Variants in DNAH14 observed in about 807,000 individuals in gnomAD.
DNAH14 encodes dynein axonemal heavy chain 14, also known as axonemal beta dynein heavy chain 14.
A neutral mutation model predicts 520.9 loss-of-function variants in DNAH14; 478 were observed. That is an observed-to-expected ratio of 0.92 (90% CI 0.85 to 0.99). The LOEUF (loss-of-function observed/expected upper bound fraction) is 0.99. Ranked by LOEUF, DNAH14 falls within the 50% of genes least tolerant of loss-of-function variation. The pLI, the probability that DNAH14 is intolerant of heterozygous loss-of-function variation, is 0.00. For synonymous variants in DNAH14, 1,581 were observed against 1,757.2 expected (o/e 0.90, Z 2.51); for missense variants, 4,831 against 5,234.5 (o/e 0.92, Z 2.38).
intron 42 of DNAH14, among the ~76,000 whole-genome samples, chr1:225,239,018 C>A (rs1402688990): frequency 6.6e-6 from 1 of 152,144 alleles, no homozygotes; most frequent in Non-Finnish European, 1.5e-5. Context: ...GCTGCCCTGC[C>A]CCCTGGGAAT....
At chr1:225,080,791 C>G in intron 19 of DNAH14, 43 bp downstream of exon 19, 1 of 1,469,168 alleles carries the variant, frequency 6.8e-7, no homozygotes, top group Non-Finnish European at 9.0e-7. Flanking sequence ...GGTCTATATA[C>G]CAAATGGCCT....
intron 50 of DNAH14, 127 bp from the exon 51 acceptor site, chr1:225,271,773 GATTTTA>G (rs1457302260): frequency 9.2e-6 from 7 of 761,548 alleles, no homozygotes; most frequent in Non-Finnish European, 1.4e-5. Context: ...ATGTTAAATG[GATTTTA>G]ATTTTAACAT....
chr1:225,398,046 C>CA (rs11458055), intron 84 of DNAH14: 31,747 of 66,348 alleles, frequency 0.48, 7,904 homozygotes, highest in East Asian at 0.67. Context: ...GACCCCATGT[C>CA]AAAAAAAAAA....
At chr1:225,227,455 T>C (rs997403029) in intron 41 of DNAH14, among the ~76,000 whole-genome samples, 1 of 152,092 alleles carries the variant, frequency 6.6e-6, no homozygotes, top group Non-Finnish European at 1.5e-5. Context: ...GAGCACAGGG[T>C]TGGGGCTAGG....
chr1:224,985,339 T>C (rs1274797333), intron 8 of DNAH14, among the ~76,000 whole-genome samples: 1 of 152,166 alleles, frequency 6.6e-6, no homozygotes, highest in Non-Finnish European at 1.5e-5. Flanking sequence ...TTAGAGACTA[T>C]TATTCTAAGT....
At chr1:224,963,267 G>A (rs1057231034) in intron 4 of DNAH14, among the ~76,000 whole-genome samples, 19 of 152,030 alleles carry the variant, frequency 1.2e-4, no homozygotes, top group African/African-American at 4.6e-4. Context: ...TTGTGTATAA[G>A]TTGCTAAGTT....
chr1:225,315,997 T>TTA (rs1355314841), intron 60 of DNAH14, among the ~76,000 whole-genome samples: 1 of 152,182 alleles, frequency 6.6e-6, no homozygotes, highest in Non-Finnish European at 1.5e-5. Context: ...GATGGGAGTT[T>TTA]TATCTATAAG....
chr1:225,198,114 C>T (rs952641228), intron 38 of DNAH14, among the ~76,000 whole-genome samples: 3 of 152,080 alleles, frequency 2.0e-5, no homozygotes, highest in Non-Finnish European at 2.9e-5. Context: ...TGTCTAGCTC[C>T]AGTTCTCAGA....
Position 225,346,469 on chromosome 1 carries a change from C to CTCTA in DNAH14, c.11113_11116dup (p.Phe3706SerfsTer3), listed in dbSNP as rs1400524103. ...TTTTCCCTATAGGTGGTTTCTTCAG[C>CTCTA]TCTATTTAATGAAGATAAACTTTGC... On this transcript the variant is annotated frameshift_variant, in exon 71 of 86. Transcript: ENST00000682510. LOFTEE classifies it high-confidence loss of function. 6.5e-7 allele frequency: 1 copy of CTCTA among 1,548,888 alleles called. No homozygotes were observed. The highest frequency in any genetic ancestry group is 8.7e-7 in the Non-Finnish European group (1 of 1,146,336).
chr1:225,152,913 A>C lies in DNAH14; in HGVS notation c.5196+30A>C, dbSNP rs536373263. On this transcript the variant is annotated intron_variant, in intron 33 of 85. Transcript: ENST00000682510. Reference sequence around the variant, plus strand: ...ATAGCTACTTTTCTCAAAATATTTAAAGGTGATTATATAAAAATAACCTTA... The same window carrying C: ...ATAGCTACTTTTCTCAAAATATTTACAGGTGATTATATAAAAATAACCTTA... The C allele has an allele frequency of 5.8e-6, 9 of 1,541,466 alleles. No homozygotes were observed. In the East Asian group the frequency reaches 2.0e-4, roughly 34 times the overall value.
intron 11 of DNAH14, among the ~76,000 whole-genome samples, chr1:225,036,532 G>T (rs1171117584): frequency 6.6e-6 from 1 of 152,130 alleles, no homozygotes; most frequent in Non-Finnish European, 1.5e-5. Flanking sequence ...AGGGAGAGTT[G>T]CGTGTCTGTT....
chr1:225,259,069 C>A, intron 45 of DNAH14, 52 bp from the exon 46 acceptor site: 7 of 1,466,108 alleles, frequency 4.8e-6, no homozygotes, highest in Non-Finnish European at 6.3e-6. Context: ...AATGTGTTAA[C>A]ATGTATCATT....
At position 225,259,116 on chromosome 1, in the gene DNAH14, C is replaced by A; in HGVS notation, c.7025-5C>A. 6.5e-7 allele frequency: 1 copy of A among 1,539,734 alleles called. No individual in the cohort carries two copies. Among genetic ancestry groups the A allele is most frequent in the African/African-American group, 1.4e-5 (1 of 72,206 alleles). On this transcript the variant is annotated splice_region_variant and splice_polypyrimidine_tract_variant and intron_variant, in intron 45 of 85. Coordinates refer to ENST00000682510, the MANE Select transcript of DNAH14 (RefSeq NM_001367479.1). ...ACATCTAACCTTGTGTATTTTTTCC[C>A]TTAGGAGAATCTGGTGTTGGGAAAA...
intron 36 of DNAH14, among the ~76,000 whole-genome samples, chr1:225,170,574 C>A (rs144348784): frequency 2.6e-5 from 4 of 152,110 alleles, no homozygotes; most frequent in African/African-American, 9.7e-5. Flanking sequence ...CCTAACTATC[C>A]TAAATATATA....
chr1:225,289,696 T>G (rs1405210985), intron 54 of DNAH14, among the ~76,000 whole-genome samples, 189 bp from the exon 55 acceptor site: 1 of 152,116 alleles, frequency 6.6e-6, no homozygotes, highest in Non-Finnish European at 1.5e-5. Flanking sequence ...TGAAAGTGGA[T>G]GAGTGCCTTA....
chr1:224,986,943 C>T (rs2062684552), intron 8 of DNAH14, among the ~76,000 whole-genome samples: 1 of 152,108 alleles, frequency 6.6e-6, no homozygotes, highest in African/African-American at 2.4e-5. Flanking sequence ...AAGGACTCCA[C>T]TAAAAATCTA....
chr1:225,307,930 T>C (rs1336994430), intron 59 of DNAH14, among the ~76,000 whole-genome samples: 1 of 152,232 alleles, frequency 6.6e-6, no homozygotes, highest in Non-Finnish European at 1.5e-5. Flanking sequence ...AAAACCATCA[T>C]TCATCATCAC....
At chr1:225,061,127 G>A (rs1285836477) in intron 17 of DNAH14, among the ~76,000 whole-genome samples, 1 of 152,216 alleles carries the variant, frequency 6.6e-6, no homozygotes, top group African/African-American at 2.4e-5. Context: ...GTCTACAGAG[G>A]CAGGCAGCCC....
intron 23 of DNAH14, among the ~76,000 whole-genome samples, chr1:225,107,794 G>T (rs28789844): frequency 6.6e-6 from 1 of 151,980 alleles, no homozygotes; most frequent in Non-Finnish European, 1.5e-5. Flanking sequence ...CCATATCCTT[G>T]CCAACATTTG....
Sources: allele counts gnomAD v4.1 joint callset (sites outside exome capture counted in the v4.1 genomes callset), GRCh38; gene constraint gnomAD v4.1.1; transcripts MANE v1.5; gene names NCBI Gene and HGNC (gene_info 2026-07-23, HGNC 2026-07-21).